Variants in DENND4A observed in about 807,000 individuals in gnomAD.
DENND4A encodes DENN domain containing 4A.
Under a neutral mutation model 199.3 loss-of-function variants are expected in DENND4A, and 70 were observed. The ratio of observed to expected loss-of-function variants is 0.35; its 90% CI spans 0.29 to 0.43. The LOEUF is 0.43. Among genes scored for constraint, DENND4A ranks in the 20% least tolerant of loss-of-function variants. The pLI, the probability that DENND4A is intolerant of heterozygous loss-of-function variation, is 1.00. For synonymous variants in DENND4A, 686 were observed against 766.9 expected, an observed-to-expected ratio of 0.89 and a Z score of 1.74; for missense variants, 1,723 against 2,255.8, an observed-to-expected ratio of 0.76 and a Z score of 4.78.
intron 4 of DENND4A, among the ~76,000 whole-genome samples, chr15:65,750,435 A>G (rs1047612024): frequency 6.6e-6 from 1 of 152,190 alleles, no homozygotes; most frequent in African/African-American, 2.4e-5. Context: ...CCTCAGCATC[A>G]TGCAATATAT....
chr15:65,788,889 T>C (rs2077640669), intron 1 of DENND4A, among the ~76,000 whole-genome samples: 1 of 150,062 alleles, frequency 6.7e-6, no homozygotes, highest in South Asian at 2.1e-4. Context: ...TAATAATTAT[T>C]CAGAATAGAG....
chr15:65,722,310 A>T (rs1437441235), intron 12 of DENND4A, among the ~76,000 whole-genome samples: 1 of 152,178 alleles, frequency 6.6e-6, no homozygotes, highest in Non-Finnish European at 1.5e-5. Flanking sequence ...GTAACAAATT[A>T]AAAAATTAGC....
At chr15:65,701,252 G>A in intron 18 of DENND4A, 60 bp from the exon 19 acceptor site, 4 of 1,350,794 alleles carry the variant, frequency 3.0e-6, no homozygotes, top group Non-Finnish European at 3.9e-6. Flanking sequence ...AACATATATT[G>A]GTTTCAGAAT....
At position 65,702,089 on chromosome 15, in the gene DENND4A, T is replaced by C. The variant is rs148097433; in HGVS notation, c.2431-199A>G. Reference sequence around the variant, plus strand: ...ACTAACCTAGACCACATAGTGAGACTCTGTCTCTACAAAAAAATTAAAAAA... The same window carrying C: ...ACTAACCTAGACCACATAGTGAGACCCTGTCTCTACAAAAAAATTAAAAAA... On this transcript the variant is annotated intron_variant, in intron 17 of 32. Coordinates refer to ENST00000443035, the MANE Select transcript of DENND4A (RefSeq NM_001320835.1). 4.8e-4 allele frequency among the ~76,000 whole-genome samples: 73 copies of C among 152,100 alleles called. No homozygotes were observed. The South Asian group carries it at 6.5e-3, about 13-fold the overall frequency.
At chr15:65,777,357 A>ATT (rs796192501) in intron 1 of DENND4A, among the ~76,000 whole-genome samples, 5 of 144,036 alleles carry the variant, frequency 3.5e-5, no homozygotes, top group African/African-American at 7.6e-5. Context: ...ATTACAAACA[A>ATT]TTTTTTTTTT....
At chr15:65,745,927 A>C (rs758049595) in intron 4 of DENND4A, among the ~76,000 whole-genome samples, 2 of 151,936 alleles carry the variant, frequency 1.3e-5, no homozygotes, top group Non-Finnish European at 2.9e-5. Flanking sequence ...TGAGGCCAGG[A>C]GTTTGAGACC....
At chr15:65,697,940 G>A (rs2077205662) in intron 20 of DENND4A, among the ~76,000 whole-genome samples, 1 of 152,098 alleles carries the variant, frequency 6.6e-6, no homozygotes, top group Non-Finnish European at 1.5e-5. Context: ...AAAATCTAGT[G>A]TTGAAGATAT....
At chr15:65,779,842 G>A (rs553539281) in intron 1 of DENND4A, among the ~76,000 whole-genome samples, 1 of 152,208 alleles carries the variant, frequency 6.6e-6, no homozygotes, top group East Asian at 1.9e-4. Context: ...TAGAGATGGG[G>A]TTTTGCCATG....
At chr15:65,757,245 GT>G (rs2140690254) in intron 2 of DENND4A, among the ~76,000 whole-genome samples, 1 of 118,036 alleles carries the variant, frequency 8.5e-6, no homozygotes, top group Non-Finnish European at 1.7e-5. Flanking sequence ...TGTTTATTTT[GT>G]TTTATTCTTC....
chr15:65,752,075 A>G (rs2076577574), intron 4 of DENND4A, among the ~76,000 whole-genome samples: 1 of 110,436 alleles, frequency 9.1e-6, no homozygotes, highest in Non-Finnish European at 1.7e-5. Flanking sequence ...AGTCCCGTTG[A>G]GGTGTGGGAT....
chr15:65,752,809 CTTTGT>C (rs767113034), intron 3 of DENND4A, among the ~76,000 whole-genome samples, 181 bp from the exon 4 acceptor site: 6 of 152,096 alleles, frequency 3.9e-5, no homozygotes, highest in Non-Finnish European at 8.8e-5. Context: ...CCACCAAAAA[CTTTGT>C]TTTAAGGAAA....
intron 24 of DENND4A, among the ~76,000 whole-genome samples, chr15:65,672,425 G>C (rs999922697): frequency 3.9e-5 from 6 of 152,002 alleles, no homozygotes; most frequent in Admixed American, 2.0e-4. Flanking sequence ...AGGAATTCGA[G>C]ACCAGCCTTG....
chr15:65,693,398 A>C (rs1273729598), intron 22 of DENND4A, among the ~76,000 whole-genome samples: 1 of 152,176 alleles, frequency 6.6e-6, no homozygotes. Context: ...CCCTGAGCCA[A>C]CATTTAGAGC....
chr15:65,676,741 C>A, intron 23 of DENND4A, 107 bp from the exon 24 acceptor site: 1 of 826,950 alleles, frequency 1.2e-6, no homozygotes, highest in Non-Finnish European at 1.8e-6. Context: ...CCCAGATGAT[C>A]AGCTGAACTA....
intron 12 of DENND4A, among the ~76,000 whole-genome samples, chr15:65,722,463 T>C (rs1415691643): frequency 2.0e-5 from 3 of 151,830 alleles, no homozygotes; most frequent in Non-Finnish European, 4.4e-5. Flanking sequence ...CAAGACCGTG[T>C]CTCAAAAGAG....
chr15:65,733,472 T>TA (rs2140410226), intron 7 of DENND4A, among the ~76,000 whole-genome samples: 1 of 152,266 alleles, frequency 6.6e-6, no homozygotes, highest in South Asian at 2.1e-4. Context: ...TATTATTTTT[T>TA]AAAAAACATT....
At chr15:65,711,648 G>A (rs1348368800) in intron 14 of DENND4A, among the ~76,000 whole-genome samples, 1 of 152,102 alleles carries the variant, frequency 6.6e-6, no homozygotes, top group Non-Finnish European at 1.5e-5. Context: ...ACTTTCTGGG[G>A]TGATGAAAAT....
chr15:65,774,348 G>C (rs951279215), intron 1 of DENND4A, among the ~76,000 whole-genome samples: 7 of 152,226 alleles, frequency 4.6e-5, no homozygotes, highest in Admixed American at 3.3e-4. Context: ...AAATTAGCCA[G>C]GTGTGGTGGC....
intron 16 of DENND4A, 30 bp downstream of exon 16, chr15:65,702,843 T>C: frequency 1.9e-6 from 3 of 1,583,686 alleles, no homozygotes; most frequent in Non-Finnish European, 2.6e-6. Context: ...TGTTCTAAAA[T>C]TTGATTACAT....
Sources: gnomAD v4.1 joint callset for allele counts (sites outside exome capture counted in the v4.1 genomes callset) on GRCh38, gnomAD v4.1.1 for gene constraint, MANE v1.5 for transcripts, NCBI Gene and HGNC (gene_info 2026-07-23, HGNC 2026-07-21) for gene names.